VCAN: variants seen among roughly 807,000 people sequenced by gnomAD.
VCAN encodes the protein versican.
VCAN carries 44 observed loss-of-function variants against 245.5 expected under a neutral mutation model. The observed-to-expected ratio is 0.18, with a 90% CI of 0.14 to 0.23. VCAN has a LOEUF of 0.23. Among genes scored for constraint, VCAN ranks in the 10% least tolerant of loss-of-function variants. The probability of loss-of-function intolerance (pLI) is 1.00; values close to 1 mark genes in which losing one functional copy is unlikely to be tolerated. For synonymous variants in VCAN, 1,413 were observed against 1,437.0 expected (o/e 0.98, Z 0.38); for missense variants, 3,793 against 4,057.9 (o/e 0.93, Z 1.77).
chr5:83,503,118 T>C (rs1306311441), intron 5 of VCAN, among the ~76,000 whole-genome samples: 1 of 152,188 alleles, frequency 6.6e-6, no homozygotes, highest in Non-Finnish European at 1.5e-5. Context: ...AACCAATCCA[T>C]GTGCAGCTGA....
intron 1 of VCAN, 129 bp from the exon 2 acceptor site, chr5:83,483,384 T>C: frequency 1.4e-6 from 1 of 732,326 alleles, no homozygotes; most frequent in South Asian, 1.6e-5. Context: ...GAGGAGCTAC[T>C]TCTTCTACTC....
Position 83,541,535 on chromosome 5 carries a change from C to G in VCAN, c.8532C>G (p.Pro2844=). 1 of 1,613,990 alleles carries G rather than the reference C, an allele frequency of 6.2e-7. No individual in the cohort carries two copies. The highest frequency in any genetic ancestry group is 8.5e-7 in the Non-Finnish European group (1 of 1,180,018). Residue 2844 remains proline (P), a synonymous_variant, in exon 8 of 15, where the codon CCC becomes CCG. Coordinates refer to ENST00000265077, the MANE Select transcript of VCAN (RefSeq NM_004385.5). ...GSEASGHTEI[P]QPSALPGIDV... is the part of the protein sequence containing the mutation. ...AAGCCTCTGGACACACAGAGATCCC[C>G]CAGCCCAGTGCTCTGCCAGGAATAG... is the stretch of plus-strand genomic sequence containing the variant.
chr5:83,473,548 C>A (rs550426007), intron 1 of VCAN, among the ~76,000 whole-genome samples: 2 of 152,298 alleles, frequency 1.3e-5, no homozygotes, highest in African/African-American at 4.8e-5. Flanking sequence ...TCCCCTCCCC[C>A]ACAGCTGACA....
intron 1 of VCAN, among the ~76,000 whole-genome samples, chr5:83,476,794 T>C (rs1463911192): frequency 6.6e-6 from 1 of 152,128 alleles, no homozygotes; most frequent in African/African-American, 2.4e-5. Context: ...AGAGAATCTT[T>C]GTTTAATGTG....
In VCAN at chr5:83,555,035, A is replaced by G; in HGVS notation, c.9732A>G (p.Thr3244=). ...ACTTCCGTTGGACTGATGGCAGCAC[A>G]CTGGTAAGATGCCCTTGAAAATGAT... The part of the protein sequence containing the change: ...EHDFRWTDGS[T]LQYENWRPNQ... Residue 3244 remains threonine, a synonymous_variant, in exon 12 of 15, where the codon ACA becomes ACG. Transcript: ENST00000265077. 2 of 1,613,560 alleles carry G rather than the reference A, an allele frequency of 1.2e-6. No homozygotes were observed. Among genetic ancestry groups the G allele is most frequent in the Non-Finnish European group, 1.7e-6 (2 of 1,179,572 alleles).
chr5:83,574,874 A>G lies in VCAN; in HGVS notation c.9880+2314A>G, dbSNP rs1339021995. On this transcript the variant is annotated intron_variant, in intron 13 of 14. Transcript: ENST00000265077. ...TTAACATTAAACAAGAAATATTTTA[A>G]AAGCGAATTTTTTAAAAGGTGTGTT... Among the ~76,000 whole-genome samples, 3 of 152,320 alleles carry G rather than the reference A, an allele frequency of 2.0e-5. No homozygotes were observed. In the East Asian group the frequency reaches 5.8e-4, roughly 29 times the overall value.
rs1746830790 is a variant in VCAN, at chr5:83,538,679, C to T, written c.5676C>T (p.Asp1892=). The T allele has an allele frequency of 1.2e-6, 2 of 1,614,066 alleles. No homozygotes were observed. Among genetic ancestry groups the T allele is most frequent in the Non-Finnish European group, 1.7e-6 (2 of 1,179,968 alleles). Residue 1892 remains aspartate, a synonymous_variant, in exon 8 of 15, where the codon GAC becomes GAT. Coordinates refer to ENST00000265077, the MANE Select transcript of VCAN (RefSeq NM_004385.5). Reference sequence around the variant, plus strand: ...GACTGGTTTTGAGTACAGTAATGGACAGAGTAGTTGCTGAAAATATAACCC... The same window carrying T: ...GACTGGTTTTGAGTACAGTAATGGATAGAGTAGTTGCTGAAAATATAACCC... ...PTGLVLSTVM[D]RVVAENITQT...
intron 7 of VCAN, among the ~76,000 whole-genome samples, chr5:83,523,248 A>G (rs1168975194): frequency 6.6e-6 from 1 of 152,174 alleles, no homozygotes; most frequent in East Asian, 1.9e-4. Flanking sequence ...TATATAGCAA[A>G]TGCAGTTCAA....
Position 83,541,215 on chromosome 5 carries a change from A to G in VCAN, c.8212A>G (p.Ile2738Val), listed in dbSNP as rs371269749. 2.5e-6 allele frequency: 4 copies of G among 1,613,896 alleles called. No homozygotes were observed. In the African/African-American group the frequency reaches 5.3e-5, roughly 22 times the overall value. Residue 2738 changes from isoleucine to valine, a missense_variant, in exon 8 of 15, where the codon ATA becomes GTA. By Grantham distance (29) the Ile-to-Val change is conservative. Coordinates refer to ENST00000265077, the MANE Select transcript of VCAN (RefSeq NM_004385.5). ...AGCTATTGCAGACCAAAGTGAAATA[A>G]TACCAACATTGGGCCAATTTGAAAG... is the stretch of plus-strand genomic sequence containing the variant. ...GQAIADQSEI[I>V]PTLGQFERTQ... is the part of the protein sequence containing the mutation.
chr5:83,500,669 A>G (rs539875228), intron 5 of VCAN, among the ~76,000 whole-genome samples: 1 of 152,314 alleles, frequency 6.6e-6, no homozygotes, highest in Admixed American at 6.5e-5. Flanking sequence ...CTACTGCCAT[A>G]AACTCACAGG....
chr5:83,541,249 A>G lies in VCAN; in HGVS notation c.8246A>G (p.Glu2749Gly), dbSNP rs1463011852. 6 of 1,613,998 alleles carry G rather than the reference A, an allele frequency of 3.7e-6. No individual in the cohort carries two copies. The highest frequency in any genetic ancestry group is 5.1e-6 in the Non-Finnish European group (6 of 1,180,000). The change falls in exon 8 of 15, where the codon GAG (glutamate) becomes GGG (glycine). Residue 2749 changes from glutamate to glycine, a missense_variant. Physicochemically the swap from Glu to Gly is moderately conservative, Grantham distance 98 (BLOSUM62 -2). Transcript: ENST00000265077. ...PTLGQFERTQEEYEDKKHAGP... is the reference protein window; with the variant it reads ...PTLGQFERTQGEYEDKKHAGP... ...TTGGGCCAATTTGAAAGGACTCAGG[A>G]GGAGTATGAAGACAAAAAACATGCT...
At chr5:83,523,193 G>A (rs566926366) in intron 7 of VCAN, among the ~76,000 whole-genome samples, 1 of 152,220 alleles carries the variant, frequency 6.6e-6, no homozygotes, top group East Asian at 1.9e-4. Flanking sequence ...GCTGTCTAAA[G>A]GTGAGCCCAC....
At chr5:83,485,906 T>TC (rs1258241452) in intron 2 of VCAN, among the ~76,000 whole-genome samples, 1 of 152,032 alleles carries the variant, frequency 6.6e-6, no homozygotes, top group African/African-American at 2.4e-5. Flanking sequence ...TCAAGACCAG[T>TC]CTGGGCAACA....
chr5:83,545,155 T>C, intron 8 of VCAN: 2 of 290,374 alleles, frequency 6.9e-6, no homozygotes, highest in Non-Finnish European at 1.3e-5. Context: ...CCATTTCACA[T>C]GAACTAACCC....
At chr5:83,554,818 G>T in intron 11 of VCAN, 138 bp from the exon 12 acceptor site, 1 of 805,230 alleles carries the variant, frequency 1.2e-6, no homozygotes, top group Non-Finnish European at 2.1e-6. Context: ...GACTAGGAGA[G>T]ATTTTTATGA....
rs1466008801 is a variant in VCAN, at chr5:83,580,332, T to C, written c.10089T>C (p.Ser3363=). ...MNPSAYQRTY[S]MKYFKNSSSA... is the part of the protein sequence containing the mutation. ...CATCTGCATACCAAAGGACTTATTC[T>C]ATGAAATACTTTAAAAATTCCTCAT... Residue 3363 remains serine, a synonymous_variant, in exon 15 of 15, where the codon TCT becomes TCC. Transcript: ENST00000265077. 8.1e-6 allele frequency: 13 copies of C among 1,613,920 alleles called. No individual in the cohort carries two copies. The highest frequency in any genetic ancestry group is 1.3e-5 in the African/African-American group (1 of 74,930).
chr5:83,506,821 C>T (rs979624208), intron 5 of VCAN, among the ~76,000 whole-genome samples: 3 of 152,136 alleles, frequency 2.0e-5, no homozygotes, highest in Non-Finnish European at 4.4e-5. Context: ...AGAATCTTGG[C>T]GAGAGGTGAA....
At chr5:83,516,354 A>G (rs1330920658) in intron 6 of VCAN, among the ~76,000 whole-genome samples, 1 of 152,232 alleles carries the variant, frequency 6.6e-6, no homozygotes, top group Non-Finnish European at 1.5e-5. Flanking sequence ...TTTTATAACC[A>G]TGTTTACATT....
chr5:83,501,528 A>G (rs1383051309), intron 5 of VCAN, among the ~76,000 whole-genome samples: 1 of 152,140 alleles, frequency 6.6e-6, no homozygotes, highest in Non-Finnish European at 1.5e-5. Context: ...TGGTCCCAGC[A>G]CCATTTGTTG....
Sources: allele counts gnomAD v4.1 joint callset (sites outside exome capture counted in the v4.1 genomes callset), GRCh38; gene constraint gnomAD v4.1.1; transcripts MANE v1.5; gene names NCBI Gene and HGNC (gene_info 2026-07-23, HGNC 2026-07-21).